PLCG2: variants seen among roughly 807,000 people sequenced by gnomAD.
PLCG2 encodes the protein 1-phosphatidylinositol 4,5-bisphosphate phosphodiesterase gamma-2.
PLCG2 carries 69 observed loss-of-function variants against 175.6 expected under a neutral mutation model. That is an observed-to-expected ratio of 0.39 (90% CI 0.32 to 0.48). PLCG2 has a LOEUF of 0.48. PLCG2 is among the 20% of genes least tolerant of loss of function. PLCG2 has a pLI of 0.91. For missense variants in PLCG2, 1,798 were observed against 1,650.9 expected, an observed-to-expected ratio of 1.09 and a Z score of -1.54; for synonymous variants, 827 against 624.0, an observed-to-expected ratio of 1.33 and a Z score of -4.85.
rs1390135892 is a variant in PLCG2 at position 81,928,791 on chromosome 16, T to C, written c.2581+167T>C. 8.6e-6 allele frequency: 5 copies of C among 579,108 alleles called. No individual in the cohort carries two copies. In the East Asian group the frequency reaches 1.4e-4, roughly 16 times the overall value. The allele number at this position is 579,108 out of a possible 1,614,324, so 35.9% of individuals were successfully genotyped here. A position where few individuals can be genotyped will look rare whatever the true frequency, so the allele number is the denominator to read the frequency against. On this transcript the variant is annotated intron_variant, in intron 24 of 32. Coordinates refer to ENST00000564138, the MANE Select transcript of PLCG2 (RefSeq NM_002661.5). Reference sequence around the variant, plus strand: ...AGGTCAGGCTGGTCAGTGAGTATGATGCTATGTCTGCTATTAATCTCTACT... The same window carrying C: ...AGGTCAGGCTGGTCAGTGAGTATGACGCTATGTCTGCTATTAATCTCTACT...
intron 21 of PLCG2, among the ~76,000 whole-genome samples, chr16:81,922,444 G>C (rs954249070): frequency 6.6e-6 from 1 of 152,312 alleles, no homozygotes; most frequent in South Asian, 2.1e-4. Context: ...ATGCTTTAGC[G>C]ATACTATAGT....
intron 16 of PLCG2, 114 bp downstream of exon 16, chr16:81,907,888 T>G (rs41311268): frequency 7.2e-6 from 5 of 694,350 alleles, no homozygotes; most frequent in Non-Finnish European, 1.3e-5. Context: ...AAGGGGATGC[T>G]CCGCTGAAGA....
intron 13 of PLCG2, among the ~76,000 whole-genome samples, chr16:81,897,407 A>C (rs1908941397): frequency 6.6e-6 from 1 of 152,192 alleles, no homozygotes; most frequent in African/African-American, 2.4e-5. Flanking sequence ...AGAGGTGATA[A>C]CTGTGTGCAC....
intron 5 of PLCG2, among the ~76,000 whole-genome samples, chr16:81,859,685 C>T (rs928038378): frequency 2.0e-5 from 3 of 152,160 alleles, no homozygotes; most frequent in African/African-American, 7.2e-5. Context: ...CAGGCACCCG[C>T]CACCATGCCC....
chr16:81,927,020 G>A (rs1910301921), intron 22 of PLCG2, 62 bp from the exon 23 acceptor site: 3 of 1,036,310 alleles, frequency 2.9e-6, no homozygotes, highest in South Asian at 2.5e-5. Context: ...GTGCAGATGA[G>A]CAGTAGTGGG....
intron 19 of PLCG2, among the ~76,000 whole-genome samples, chr16:81,914,662 A>G (rs1909765733): frequency 6.6e-6 from 1 of 152,150 alleles, no homozygotes; most frequent in South Asian, 2.1e-4. Flanking sequence ...GAGTGATAAA[A>G]ACAGCCCAGT....
chr16:81,825,373 C>G (rs766138578), intron 2 of PLCG2, among the ~76,000 whole-genome samples: 5 of 148,968 alleles, frequency 3.4e-5, no homozygotes, highest in Non-Finnish European at 7.4e-5. Context: ...ACTGCAACCT[C>G]TGTCTCCTGG....
In PLCG2 at chr16:81,956,748, A is replaced by G. The variant is rs1567549796; in HGVS notation, c.3624A>G (p.Glu1208=). 2 of 1,614,202 alleles carry G rather than the reference A, an allele frequency of 1.2e-6. No individual in the cohort carries two copies. Residue 1208 remains glutamate (E), a synonymous_variant, in exon 32 of 33, where the codon GAA becomes GAG. Coordinates refer to ENST00000564138, the MANE Select transcript of PLCG2 (RefSeq NM_002661.5). ...SSCRQLRRRQ[E]ELNNQLFLYD... ...GTCGCCAGCTGAGGAGGCGGCAAGAAGAACTGAACAACCAGCTCTTTCTGT... is the reference window on the plus strand; with the variant it reads ...GTCGCCAGCTGAGGAGGCGGCAAGAGGAACTGAACAACCAGCTCTTTCTGT...
chr16:81,828,970 C>G (rs1387090306), intron 2 of PLCG2, among the ~76,000 whole-genome samples: 1 of 152,128 alleles, frequency 6.6e-6, no homozygotes, highest in African/African-American at 2.4e-5. Flanking sequence ...GTGGGCCATT[C>G]TCTCAAACAT....
chr16:81,893,836 T>C (rs1908754484), intron 12 of PLCG2, 42 bp downstream of exon 12: 2 of 1,279,682 alleles, frequency 1.6e-6, no homozygotes, highest in African/African-American at 1.5e-5. Flanking sequence ...TCGCAGCAAA[T>C]TGAGGATAAC....
intron 2 of PLCG2, among the ~76,000 whole-genome samples, chr16:81,816,969 G>T (rs1904580660): frequency 6.6e-6 from 1 of 151,970 alleles, no homozygotes; most frequent in African/African-American, 2.4e-5. Flanking sequence ...TTTTTCCTAT[G>T]CCCATTGCAC....
intron 9 of PLCG2, among the ~76,000 whole-genome samples, chr16:81,887,680 C>T (rs542275351): frequency 6.6e-6 from 1 of 152,322 alleles, no homozygotes; most frequent in South Asian, 2.1e-4. Flanking sequence ...CCCTTCCCAT[C>T]TAAGCACACA....
chr16:81,798,426 C>T (rs1161485086), intron 2 of PLCG2: 3 of 152,222 alleles, frequency 2.0e-5, no homozygotes, highest in Non-Finnish European at 2.9e-5. Flanking sequence ...TGGACCTGAG[C>T]CTGGATATAA....
At chr16:81,884,390 A>C (rs1418087790) in intron 9 of PLCG2, among the ~76,000 whole-genome samples, 2 of 152,148 alleles carry the variant, frequency 1.3e-5, no homozygotes. Flanking sequence ...CCACCAAAAA[A>C]AAAAAAGTCA....
At chr16:81,860,053 C>T (rs57169896) in intron 5 of PLCG2, among the ~76,000 whole-genome samples, 2 of 151,734 alleles carry the variant, frequency 1.3e-5, no homozygotes, top group Admixed American at 6.6e-5. Context: ...TCGCTGCAGC[C>T]GTAAAGTCCT....
chr16:81,753,126 C>T (rs1011342716), intron 1 of PLCG2, among the ~76,000 whole-genome samples: 2 of 133,798 alleles, frequency 1.5e-5, no homozygotes, highest in African/African-American at 5.2e-5. Flanking sequence ...CTCAGCTCTG[C>T]TCCCGGCCTC....
At chr16:81,822,012 G>A (rs1904821485) in intron 2 of PLCG2, among the ~76,000 whole-genome samples, 1 of 152,122 alleles carries the variant, frequency 6.6e-6, no homozygotes, top group African/African-American at 2.4e-5. Flanking sequence ...TGTTAACTAG[G>A]GAAGATGAGA....
chr16:81,797,131 G>C (rs1415381615), intron 2 of PLCG2, among the ~76,000 whole-genome samples: 4 of 152,190 alleles, frequency 2.6e-5, no homozygotes, highest in Non-Finnish European at 1.5e-5. Context: ...AAACGAGGGA[G>C]GCAGCATTTG....
At chr16:81,853,278 C>T (rs948861585) in intron 2 of PLCG2, among the ~76,000 whole-genome samples, 4 of 151,684 alleles carry the variant, frequency 2.6e-5, no homozygotes, top group East Asian at 1.9e-4. Flanking sequence ...TTGCAGTGAG[C>T]TGAGATCATG....
Sources: gnomAD v4.1 joint callset for allele counts (sites outside exome capture counted in the v4.1 genomes callset) on GRCh38, gnomAD v4.1.1 for gene constraint, MANE v1.5 for transcripts, NCBI Gene and HGNC (gene_info 2026-07-23, HGNC 2026-07-21) for gene names.